Variants in RGS6 observed in about 807,000 individuals in gnomAD.
RGS6 encodes the protein regulator of G protein signaling 6, also known as regulator of G-protein signaling 6.
A neutral mutation model predicts 78.5 loss-of-function variants in RGS6; 30 were observed. The observed-to-expected ratio is 0.38, with a 90% CI of 0.29 to 0.52. The LOEUF (loss-of-function observed/expected upper bound fraction) is 0.52. Among genes scored for constraint, RGS6 ranks in the 20% least tolerant of loss-of-function variants. The probability of loss-of-function intolerance (pLI) is 0.85; values close to 1 mark genes in which losing one functional copy is unlikely to be tolerated. For missense variants in RGS6, 495 were observed against 609.7 expected (o/e 0.81, Z 1.98); for synonymous variants, 206 against 206.0 (o/e 1.00, Z 0.00).
intron 7 of RGS6, among the ~76,000 whole-genome samples, chr14:72,467,521 C>T (rs12587980): frequency 0.38 from 56,987 of 151,854 alleles, 10,975 homozygotes; most frequent in East Asian, 0.67. Flanking sequence ...GCTGGGCCAT[C>T]GCTCCCCTCT....
At chr14:72,302,973 C>T (rs953712042) in intron 2 of RGS6, among the ~76,000 whole-genome samples, 2 of 152,212 alleles carry the variant, frequency 1.3e-5, no homozygotes, top group East Asian at 1.9e-4. Flanking sequence ...TCTTCCCTGC[C>T]GCCATGTAAG....
chr14:72,031,268 T>C (rs1273781635), intron 2 of RGS6, among the ~76,000 whole-genome samples: 1 of 152,198 alleles, frequency 6.6e-6, no homozygotes, highest in East Asian at 1.9e-4. Context: ...GAATGCATGC[T>C]ATGAATGGAT....
At chr14:72,235,694 A>G (rs1415260790) in intron 2 of RGS6, among the ~76,000 whole-genome samples, 2 of 152,198 alleles carry the variant, frequency 1.3e-5, no homozygotes, top group South Asian at 2.1e-4. Flanking sequence ...ACTTGACTAT[A>G]TGGTTCTGAT....
At chr14:72,104,067 A>C (rs1286013543) in intron 2 of RGS6, among the ~76,000 whole-genome samples, 1 of 152,122 alleles carries the variant, frequency 6.6e-6, no homozygotes, top group Non-Finnish European at 1.5e-5. Flanking sequence ...AACGTCCTTT[A>C]ATCTTTTGTT....
At chr14:71,877,778 A>C in the RGS6 span, among the ~76,000 whole-genome samples, 1 of 152,188 alleles carries the variant, frequency 6.6e-6, no homozygotes, top group African/African-American at 2.4e-5. Flanking sequence ...TAGAATTTTC[A>C]GCTTTTCTGC....
Position 72,476,741 on chromosome 14 carries a change from G to C in RGS6, c.694-1G>C. ...TCCTCTGTGCTTGCTTCTTCTCCTA[G>C]TCCGTGTATGGCGTGACTGAAGAGT... is the stretch of plus-strand genomic sequence containing the variant. On this transcript the variant is annotated splice_acceptor_variant, in intron 10 of 17. Transcript: ENST00000553525. LOFTEE classifies it high-confidence loss of function. The C allele has an allele frequency of 6.2e-7, 1 of 1,614,020 alleles. No individual in the cohort carries two copies. Among genetic ancestry groups the C allele is most frequent in the Non-Finnish European group, 8.5e-7 (1 of 1,179,916 alleles).
intron 2 of RGS6, among the ~76,000 whole-genome samples, chr14:72,326,125 G>T (rs543550098): frequency 6.6e-6 from 1 of 152,236 alleles, no homozygotes; most frequent in South Asian, 2.1e-4. Context: ...TTGTCATATT[G>T]TTTGTGAGAA....
chr14:72,223,754 G>A (rs1206994063), intron 2 of RGS6, among the ~76,000 whole-genome samples: 1 of 152,186 alleles, frequency 6.6e-6, no homozygotes, highest in Non-Finnish European at 1.5e-5. Flanking sequence ...TTTTTGCATG[G>A]AAAGAAAGGT....
intron 2 of RGS6, among the ~76,000 whole-genome samples, chr14:72,026,690 C>A (rs1269474370): frequency 6.6e-6 from 1 of 152,220 alleles, no homozygotes; most frequent in Non-Finnish European, 1.5e-5. Context: ...GCCCTCTAAG[C>A]CATCAGCCAT....
chr14:72,062,770 C>T (rs1207365620), intron 2 of RGS6, among the ~76,000 whole-genome samples: 10 of 152,084 alleles, frequency 6.6e-5, no homozygotes, highest in Admixed American at 2.0e-4. Context: ...TGGAGATAGG[C>T]GGTTGGTCAT....
chr14:72,299,881 C>G (rs539901143), intron 2 of RGS6, among the ~76,000 whole-genome samples: 1 of 152,042 alleles, frequency 6.6e-6, no homozygotes, highest in Non-Finnish European at 1.5e-5. Flanking sequence ...CTTCATTTCT[C>G]TCGTTTTTTT....
At chr14:72,074,725 C>A (rs1458503410) in intron 2 of RGS6, among the ~76,000 whole-genome samples, 2 of 152,056 alleles carry the variant, frequency 1.3e-5, no homozygotes, top group Non-Finnish European at 2.9e-5. Context: ...ATCTCATATG[C>A]AAGAGGGTGT....
At chr14:72,483,615 A>G (rs2096426977) in intron 12 of RGS6, among the ~76,000 whole-genome samples, 1 of 152,176 alleles carries the variant, frequency 6.6e-6, no homozygotes, top group African/African-American at 2.4e-5. Context: ...AGGGGAGGAA[A>G]AAAGAGGGTC....
intron 2 of RGS6, among the ~76,000 whole-genome samples, chr14:72,030,516 G>A (rs1317794709): frequency 6.6e-6 from 1 of 152,174 alleles, no homozygotes; most frequent in Admixed American, 6.5e-5. Flanking sequence ...TATGTTGTAA[G>A]TATTCACAAT....
At chr14:72,197,082 T>C (rs1161520557) in intron 2 of RGS6, among the ~76,000 whole-genome samples, 1 of 152,236 alleles carries the variant, frequency 6.6e-6, no homozygotes, top group Non-Finnish European at 1.5e-5. Context: ...TTTGTTTCTT[T>C]TGAGACGGAG....
the RGS6 span, among the ~76,000 whole-genome samples, chr14:71,880,762 C>T: frequency 1.3e-5 from 2 of 152,240 alleles, no homozygotes; most frequent in African/African-American, 4.8e-5. Flanking sequence ...ACAACCTCTG[C>T]TAGGGCTGTG....
chr14:72,109,404 C>A (rs2095704607), intron 2 of RGS6, among the ~76,000 whole-genome samples: 1 of 152,140 alleles, frequency 6.6e-6, no homozygotes, highest in Admixed American at 6.5e-5. Flanking sequence ...TCACTGCTAC[C>A]ACTGCCATCT....
chr14:72,131,626 T>C (rs1266134575), intron 2 of RGS6, among the ~76,000 whole-genome samples: 1 of 152,186 alleles, frequency 6.6e-6, no homozygotes, highest in Non-Finnish European at 1.5e-5. Flanking sequence ...AGTTTGACCT[T>C]AGGCAACAAC....
intron 2 of RGS6, among the ~76,000 whole-genome samples, chr14:72,296,501 C>T (rs1171110135): frequency 6.6e-6 from 1 of 152,182 alleles, no homozygotes; most frequent in African/African-American, 2.4e-5. Context: ...TTAATATTAT[C>T]AGCCTTTAAA....
Sources: allele counts gnomAD v4.1 joint callset (sites outside exome capture counted in the v4.1 genomes callset), GRCh38; gene constraint gnomAD v4.1.1; transcripts MANE v1.5; gene names NCBI Gene and HGNC (gene_info 2026-07-23, HGNC 2026-07-21).